Variants in PRKCA observed in about 807,000 individuals in gnomAD.
PRKCA encodes the protein protein kinase C alpha type.
Under a neutral mutation model 87.0 loss-of-function variants are expected in PRKCA, and 27 were observed. That is an observed-to-expected ratio of 0.31 (90% CI 0.23 to 0.43). PRKCA has a LOEUF of 0.43. Ranked by LOEUF, PRKCA falls within the 20% of genes least tolerant of loss-of-function variation. PRKCA has a pLI of 1.00. For missense variants in PRKCA, 518 were observed against 852.3 expected, an observed-to-expected ratio of 0.61 and a Z score of 4.88; for synonymous variants, 329 against 311.1, an observed-to-expected ratio of 1.06 and a Z score of -0.61.
chr17:66,390,150 A>G (rs1269284685), intron 2 of PRKCA, among the ~76,000 whole-genome samples: 3 of 152,208 alleles, frequency 2.0e-5, no homozygotes, highest in Non-Finnish European at 2.9e-5. Flanking sequence ...TGAACCCAGT[A>G]GGTGGAGGGT....
intron 5 of PRKCA, among the ~76,000 whole-genome samples, chr17:66,665,108 T>C (rs1052694696): frequency 9.9e-5 from 15 of 151,944 alleles, no homozygotes; most frequent in Non-Finnish European, 1.8e-4. Flanking sequence ...CACTGGAGGG[T>C]TTTTTCTGGA....
intron 8 of PRKCA, among the ~76,000 whole-genome samples, chr17:66,708,697 C>T (rs1470012078): frequency 6.6e-6 from 1 of 152,122 alleles, no homozygotes; most frequent in Non-Finnish European, 1.5e-5. Flanking sequence ...CCCAGCTACT[C>T]AATACAGAGT....
chr17:66,787,396 T>C (rs546823880), intron 15 of PRKCA, among the ~76,000 whole-genome samples: 16 of 152,328 alleles, frequency 1.1e-4, no homozygotes, highest in Middle Eastern at 3.4e-3. Flanking sequence ...CCTGGGACTC[T>C]GGCCCAGTCA....
At chr17:66,680,761 C>T (rs992140815) in intron 5 of PRKCA, among the ~76,000 whole-genome samples, 4 of 152,100 alleles carry the variant, frequency 2.6e-5, no homozygotes, top group Non-Finnish European at 4.4e-5. Context: ...AGCTAGAGCA[C>T]CCTCAGAGTG....
chr17:66,630,920 G>C (rs899466035), intron 3 of PRKCA, among the ~76,000 whole-genome samples: 5 of 152,156 alleles, frequency 3.3e-5, no homozygotes, highest in Non-Finnish European at 1.5e-5. Flanking sequence ...AATATTTGCT[G>C]TCCCCTTCTG....
chr17:66,796,393 G>A, intron 16 of PRKCA: 1 of 974,172 alleles, frequency 1.0e-6, no homozygotes, highest in Non-Finnish European at 1.2e-6. Flanking sequence ...GGACTTGCAA[G>A]GCCAGGAACT....
intron 3 of PRKCA, among the ~76,000 whole-genome samples, chr17:66,551,647 G>A (rs1382100702): frequency 6.6e-6 from 1 of 152,156 alleles, no homozygotes; most frequent in Non-Finnish European, 1.5e-5. Context: ...CTCAAGGGGG[G>A]GATATTGTTT....
intron 2 of PRKCA, among the ~76,000 whole-genome samples, chr17:66,487,911 C>G (rs1395320535): frequency 6.6e-6 from 1 of 152,106 alleles, no homozygotes; most frequent in Non-Finnish European, 1.5e-5. Flanking sequence ...TGTTTCTTCA[C>G]TTTGTTTCCT....
chr17:66,647,259 G>A (rs1971481091), intron 5 of PRKCA, among the ~76,000 whole-genome samples: 1 of 152,198 alleles, frequency 6.6e-6, no homozygotes, highest in African/African-American at 2.4e-5. Flanking sequence ...GTCTCCGTAG[G>A]TGGTAAGGGA....
At chr17:66,379,753 G>A (rs1255646243) in intron 2 of PRKCA, among the ~76,000 whole-genome samples, 2 of 151,960 alleles carry the variant, frequency 1.3e-5, no homozygotes, top group South Asian at 2.1e-4. Flanking sequence ...TTGGGAGGTC[G>A]GTCACTTATG....
intron 2 of PRKCA, among the ~76,000 whole-genome samples, chr17:66,495,566 T>TTTTTATTTTTTTTTA (rs1567858274): frequency 6.6e-6 from 1 of 151,750 alleles, no homozygotes; most frequent in African/African-American, 2.4e-5. Context: ...TATTTTATTT[T>TTTTTATTTTTTTTTA]TTGAGACGGA....
chr17:66,377,701 TTATATA>T (rs1276051811), intron 2 of PRKCA, among the ~76,000 whole-genome samples: 1 of 77,962 alleles, frequency 1.3e-5, no homozygotes, highest in African/African-American at 5.3e-5. Flanking sequence ...AGTCTATGTT[TTATATA>T]TATATATATA....
At chr17:66,632,560 A>G (rs1473994496) in intron 3 of PRKCA, among the ~76,000 whole-genome samples, 1 of 151,708 alleles carries the variant, frequency 6.6e-6, no homozygotes, top group Non-Finnish European at 1.5e-5. Flanking sequence ...TTTTTTTTTA[A>G]GTAGAGATGA....
rs75094972 is a variant in PRKCA, at chr17:66,443,643, C to T, written c.206-52558C>T. 6.4e-3 allele frequency among the ~76,000 whole-genome samples: 981 copies of T among 152,222 alleles called. 13 individuals are homozygous for T. The highest frequency in any genetic ancestry group is 0.021 in the African/African-American group (864 of 41,540). On this transcript the variant is annotated intron_variant, in intron 2 of 16. Transcript: ENST00000413366. ...GCCTGCTGTGCTGCCTGCCCTGAAA[C>T]GGGACAGGCCCTTGGTAAATGACTT...
At chr17:66,602,493 G>A (rs1401356137) in intron 3 of PRKCA, among the ~76,000 whole-genome samples, 5 of 151,822 alleles carry the variant, frequency 3.3e-5, no homozygotes, top group East Asian at 3.9e-4. Context: ...AGATGAACCC[G>A]GTACCTCAGA....
chr17:66,715,143 T>C (rs1392809733), intron 8 of PRKCA, among the ~76,000 whole-genome samples: 2 of 151,358 alleles, frequency 1.3e-5, no homozygotes, highest in African/African-American at 2.4e-5. Context: ...TTTTTTTTTT[T>C]CTCTGTGAGG....
intron 2 of PRKCA, among the ~76,000 whole-genome samples, chr17:66,475,792 A>T (rs754696954): frequency 1.3e-5 from 2 of 152,194 alleles, no homozygotes; most frequent in Non-Finnish European, 2.9e-5. Flanking sequence ...GTGCCATCAC[A>T]CATAATTGTG....
intron 2 of PRKCA, among the ~76,000 whole-genome samples, chr17:66,385,176 C>T (rs1226992707): frequency 6.6e-6 from 1 of 152,192 alleles, no homozygotes; most frequent in African/African-American, 2.4e-5. Flanking sequence ...TGGGGCTCAA[C>T]TCCTTCCTTC....
intron 8 of PRKCA, among the ~76,000 whole-genome samples, chr17:66,726,121 G>A (rs949096844): frequency 7.3e-6 from 1 of 136,826 alleles, no homozygotes; most frequent in African/African-American, 2.7e-5. Flanking sequence ...GGTGTTCGCA[G>A]GTGTGCAGGA....
Sources: gnomAD v4.1 joint callset for allele counts (sites outside exome capture counted in the v4.1 genomes callset) on GRCh38, gnomAD v4.1.1 for gene constraint, MANE v1.5 for transcripts, NCBI Gene and HGNC (gene_info 2026-07-23, HGNC 2026-07-21) for gene names.